Variants in RYR2 observed in about 807,000 individuals in gnomAD.
RYR2 encodes the protein ryanodine receptor 2, also known as cardiac muscle ryanodine receptor-calcium release channel.
RYR2 carries 227 observed loss-of-function variants against 601.1 expected under a neutral mutation model. The ratio of observed to expected loss-of-function variants is 0.38; its 90% CI spans 0.34 to 0.42. The LOEUF (loss-of-function observed/expected upper bound fraction) is 0.42, where lower values mean the gene tolerates loss of function less well. Ranked by LOEUF, RYR2 falls within the 10% of genes least tolerant of loss-of-function variation. RYR2 has a pLI of 1.00. For missense variants in RYR2, 4,646 were observed against 6,156.5 expected, an observed-to-expected ratio of 0.75 and a Z score of 8.21; for synonymous variants, 2,223 against 2,175.1, an observed-to-expected ratio of 1.02 and a Z score of -0.61.
chr1:237,832,751 A>G lies in RYR2; in HGVS notation c.*104A>G. ...CATTTTGCTGATTTTGTGAATTGCC[A>G]GCGTTGTGTGTTTTCTGGGAGCATC... On this transcript the variant is annotated 3_prime_UTR_variant, in exon 105 of 105. Coordinates refer to ENST00000366574, the MANE Select transcript of RYR2 (RefSeq NM_001035.3). The G allele has an allele frequency of 1.6e-6, 1 of 616,772 alleles. No individual in the cohort carries two copies. The highest frequency in any genetic ancestry group is 2.8e-6 in the Non-Finnish European group (1 of 354,584). 38.2% of individuals were successfully genotyped at this position (616,772 alleles called of 1,614,324 possible). A position where few individuals can be genotyped will look rare whatever the true frequency, so the allele number is the denominator to read the frequency against.
In RYR2 at chr1:237,330,865, T is replaced by C. The variant is rs1248009953; in HGVS notation, c.169-13T>C. 3 of 1,610,184 alleles carry C rather than the reference T, an allele frequency of 1.9e-6. No individual in the cohort carries two copies. The highest frequency in any genetic ancestry group is 2.6e-6 in the Non-Finnish European group (3 of 1,176,464). On this transcript the variant is annotated splice_polypyrimidine_tract_variant and intron_variant, in intron 2 of 104. Transcript: ENST00000366574. ...AGATGATGCTGCTGACTGCTCTTCCTCTTTCTGTGCAGAATGTGCCCCCAG... is the reference window on the plus strand; with the variant it reads ...AGATGATGCTGCTGACTGCTCTTCCCCTTTCTGTGCAGAATGTGCCCCCAG...
intron 3 of RYR2, among the ~76,000 whole-genome samples, chr1:237,338,761 C>T (rs1697482787): frequency 6.6e-6 from 1 of 152,056 alleles, no homozygotes; most frequent in Non-Finnish European, 1.5e-5. Flanking sequence ...CTTTTTTGTT[C>T]AAGCTTTAGG....
At chr1:237,095,570 C>G (rs1190533102) in intron 1 of RYR2, among the ~76,000 whole-genome samples, 2 of 152,218 alleles carry the variant, frequency 1.3e-5, no homozygotes, top group Non-Finnish European at 2.9e-5. Context: ...GAAGTACCCA[C>G]AAGGCAAGCT....
chr1:237,354,204 T>C (rs1699100940), intron 3 of RYR2, among the ~76,000 whole-genome samples: 1 of 152,196 alleles, frequency 6.6e-6, no homozygotes, highest in Non-Finnish European at 1.5e-5. Flanking sequence ...CTCCTAATTC[T>C]TGCGCCTTGA....
At chr1:237,527,644 C>A (rs938119711) in intron 24 of RYR2, among the ~76,000 whole-genome samples, 1 of 152,164 alleles carries the variant, frequency 6.6e-6, no homozygotes. Context: ...ATCCTTTATT[C>A]CCACATGTCT....
chr1:237,282,206 A>G (rs1489464637), intron 2 of RYR2, among the ~76,000 whole-genome samples: 1 of 148,538 alleles, frequency 6.7e-6, no homozygotes, highest in Non-Finnish European at 1.5e-5. Context: ...TTTTTTCTGT[A>G]TAGAGCCAGA....
intron 24 of RYR2, among the ~76,000 whole-genome samples, chr1:237,518,509 G>C (rs753824501): frequency 2.2e-4 from 34 of 152,102 alleles, no homozygotes; most frequent in Non-Finnish European, 2.2e-4. Flanking sequence ...GAGAACATGG[G>C]TATTTGCCTT....
intron 1 of RYR2, among the ~76,000 whole-genome samples, chr1:237,236,561 A>T (rs1445492433): frequency 1.3e-5 from 2 of 152,170 alleles, no homozygotes; most frequent in Non-Finnish European, 2.9e-5. Flanking sequence ...TAAATGATTG[A>T]TACAAGGTTG....
intron 22 of RYR2, among the ~76,000 whole-genome samples, chr1:237,506,211 G>T (rs1335699478): frequency 1.4e-5 from 2 of 146,728 alleles, no homozygotes; most frequent in African/African-American, 2.5e-5. Context: ...AACCTAAGTT[G>T]TCAAAAAAAA....
At chr1:237,587,529 T>C (rs1182902542) in intron 29 of RYR2, among the ~76,000 whole-genome samples, 2 of 152,112 alleles carry the variant, frequency 1.3e-5, no homozygotes, top group Non-Finnish European at 2.9e-5. Context: ...ATAAACCATA[T>C]GTTATCTTTC....
intron 24 of RYR2, among the ~76,000 whole-genome samples, chr1:237,521,089 A>G (rs959336985): frequency 2.0e-5 from 3 of 152,316 alleles, no homozygotes; most frequent in Admixed American, 1.3e-4. Flanking sequence ...TGAAAAGCCC[A>G]GGATCAGATG....
At chr1:237,799,803 C>T (rs1659734239) in intron 97 of RYR2, among the ~76,000 whole-genome samples, 1 of 152,132 alleles carries the variant, frequency 6.6e-6, no homozygotes, top group South Asian at 2.1e-4. Flanking sequence ...AAATAAGTGG[C>T]CAGCTCCATT....
chr1:237,828,664 C>T (rs74146905), intron 102 of RYR2, among the ~76,000 whole-genome samples: 115 of 152,312 alleles, frequency 7.6e-4, no homozygotes, highest in African/African-American at 2.7e-3. Context: ...AGCGATAGGA[C>T]ACCATCCTTT....
intron 1 of RYR2, among the ~76,000 whole-genome samples, chr1:237,269,320 G>A (rs1355377335): frequency 6.6e-6 from 1 of 151,762 alleles, no homozygotes; most frequent in Non-Finnish European, 1.5e-5. Context: ...TGGGATTATA[G>A]GTGTGAGCCA....
chr1:237,432,864 A>G (rs1212529314), intron 12 of RYR2, among the ~76,000 whole-genome samples: 1 of 144,844 alleles, frequency 6.9e-6, no homozygotes, highest in African/African-American at 2.6e-5. Context: ...AATGCACAAT[A>G]CTCTTTTTGT....
intron 24 of RYR2, among the ~76,000 whole-genome samples, chr1:237,514,226 T>A (rs565236844): frequency 6.6e-6 from 1 of 152,352 alleles, no homozygotes; most frequent in Admixed American, 6.5e-5. Flanking sequence ...GTGCATTCCC[T>A]ATTATTTTAG....
At chr1:237,693,244 A>G (rs1004551918) in intron 63 of RYR2, among the ~76,000 whole-genome samples, 1 of 151,342 alleles carries the variant, frequency 6.6e-6, no homozygotes, top group Non-Finnish European at 1.5e-5. Flanking sequence ...TAAGAGGTCC[A>G]TGAAAACACT....
rs750780758 is a variant in RYR2, at chr1:237,808,971, G to A, written c.14369G>A (p.Arg4790Gln). 3.7e-6 allele frequency: 6 copies of A among 1,612,882 alleles called. No homozygotes were observed. Among genetic ancestry groups the A allele is most frequent in the Admixed American group, 1.7e-5 (1 of 59,952 alleles). ...LYTVVAFNFFRKFYNKSEDGD... is the reference protein window; with the variant it reads ...LYTVVAFNFFQKFYNKSEDGD... ...ACTGTGGTGGCATTCAATTTTTTCCGAAAATTCTACAATAAAAGTGAAGAT... is the reference window on the plus strand; with the variant it reads ...ACTGTGGTGGCATTCAATTTTTTCCAAAAATTCTACAATAAAAGTGAAGAT... Residue 4790 changes from arginine to glutamine, a missense_variant, in exon 100 of 105, where the codon CGA becomes CAA. This residue lies in a region of RYR2 where 21 missense variants were observed against 24.8 expected (regional missense o/e 0.85). Coordinates refer to ENST00000366574, the MANE Select transcript of RYR2 (RefSeq NM_001035.3).
At chr1:237,092,514 CTTT>C (rs11324799) in intron 1 of RYR2, among the ~76,000 whole-genome samples, 6 of 128,064 alleles carry the variant, frequency 4.7e-5, no homozygotes, top group Admixed American at 7.8e-5. Context: ...CACAGATAGT[CTTT>C]TTTTTTTTTT....
Sources: allele counts gnomAD v4.1 joint callset (sites outside exome capture counted in the v4.1 genomes callset), GRCh38; gene constraint gnomAD v4.1.1; regional missense constraint gnomAD v4.1.1; transcripts MANE v1.5; gene names NCBI Gene and HGNC (gene_info 2026-07-23, HGNC 2026-07-21).